Variants in CAMTA1 observed in about 807,000 individuals in gnomAD.
CAMTA1 encodes the protein calmodulin binding transcription activator 1, also known as calmodulin-binding transcription activator 1.
A neutral mutation model predicts 170.9 loss-of-function variants in CAMTA1; 27 were observed. That is an observed-to-expected ratio of 0.16 (90% CI 0.12 to 0.22). CAMTA1 has a LOEUF of 0.22. Ranked by LOEUF, CAMTA1 falls within the 10% of genes least tolerant of loss-of-function variation. CAMTA1 has a pLI of 1.00. For synonymous variants in CAMTA1, 833 were observed against 891.5 expected (o/e 0.93, Z 1.17); for missense variants, 1,619 against 2,217.2 (o/e 0.73, Z 5.42).
intron 6 of CAMTA1, among the ~76,000 whole-genome samples, chr1:7,511,277 G>A (rs867801372): frequency 6.9e-6 from 1 of 145,482 alleles, no homozygotes; most frequent in South Asian, 2.3e-4. Context: ...TTCACATCCT[G>A]GAGGGACACC....
chr1:7,552,053 C>T (rs1384176806), intron 6 of CAMTA1, among the ~76,000 whole-genome samples: 1 of 152,216 alleles, frequency 6.6e-6, no homozygotes, highest in Non-Finnish European at 1.5e-5. Context: ...CAGTGACTTG[C>T]CATAGGTCAC....
chr1:7,248,935 G>A lies in CAMTA1; in HGVS notation c.303-556G>A, dbSNP rs754624310. ...CTTAGCTTGCTTGAGAAGCAAGACC[G>A]CAGATGCTCTTTCATATCTAGCAGT... On this transcript the variant is annotated intron_variant, in intron 4 of 22. Transcript: ENST00000303635. The surrounding 1 kb of genome is among the most constrained non-coding windows in gnomAD (Gnocchi z 4.0). Among the ~76,000 whole-genome samples the A allele has an allele frequency of 8.5e-5, 13 of 152,180 alleles. No individual in the cohort carries two copies. The highest frequency in any genetic ancestry group is 1.9e-4 in the East Asian group (1 of 5,196).
At chr1:6,854,448 G>A (rs1661533607) in intron 3 of CAMTA1, among the ~76,000 whole-genome samples, 1 of 152,144 alleles carries the variant, frequency 6.6e-6, no homozygotes, top group African/African-American at 2.4e-5. Flanking sequence ...GCACAATGAT[G>A]AAATAGCCTA....
chr1:6,913,846 T>A (rs1680211485), intron 3 of CAMTA1, among the ~76,000 whole-genome samples: 1 of 151,964 alleles, frequency 6.6e-6, no homozygotes, highest in Non-Finnish European at 1.5e-5. Context: ...TGGAAGGGAC[T>A]GCATGAGTAC....
At chr1:7,647,443 G>A (rs933429923) in intron 7 of CAMTA1, among the ~76,000 whole-genome samples, 4 of 152,166 alleles carry the variant, frequency 2.6e-5, no homozygotes, top group Non-Finnish European at 4.4e-5. Flanking sequence ...GGCCCCGCTC[G>A]GAGATGGGAG....
chr1:7,278,200 A>G (rs1321181578), intron 5 of CAMTA1, among the ~76,000 whole-genome samples: 1 of 152,234 alleles, frequency 6.6e-6, no homozygotes, highest in Admixed American at 6.5e-5. Flanking sequence ...AGTCCTGCTG[A>G]TTAACAAACA....
intron 5 of CAMTA1, among the ~76,000 whole-genome samples, chr1:7,376,404 T>C (rs571016824): frequency 7.9e-5 from 12 of 152,306 alleles, no homozygotes; most frequent in African/African-American, 2.9e-4. Flanking sequence ...GCGAGGAGAC[T>C]GTACCTGCCA....
At chr1:6,840,672 T>C (rs1428999718) in intron 3 of CAMTA1, among the ~76,000 whole-genome samples, 4 of 152,024 alleles carry the variant, frequency 2.6e-5, no homozygotes, top group African/African-American at 9.7e-5. Flanking sequence ...TGGAGAGCCG[T>C]CAATGCGCAG....
intron 4 of CAMTA1, among the ~76,000 whole-genome samples, chr1:7,138,454 T>C (rs72641220): frequency 0.041 from 6,301 of 152,328 alleles, 173 homozygotes; most frequent in South Asian, 0.096. Context: ...ATATGCATTT[T>C]TATGGATAAT....
chr1:7,627,091 C>G (rs995590204), intron 6 of CAMTA1, among the ~76,000 whole-genome samples: 1 of 152,130 alleles, frequency 6.6e-6, no homozygotes, highest in African/African-American at 2.4e-5. Flanking sequence ...GATGGGGTGT[C>G]TGTCTCTTTA....
intron 5 of CAMTA1, among the ~76,000 whole-genome samples, chr1:7,425,464 T>C (rs1575248975): frequency 6.6e-6 from 1 of 152,056 alleles, no homozygotes; most frequent in Non-Finnish European, 1.5e-5. Flanking sequence ...AGGACAGTCC[T>C]CTAGGAGTTT....
In CAMTA1 at chr1:6,923,891, A is replaced by G. The variant is rs554198536; in HGVS notation, c.234+98681A>G. 2.8e-3 allele frequency among the ~76,000 whole-genome samples: 420 copies of G among 152,310 alleles called. 7 individuals are homozygous for G. Among genetic ancestry groups the G allele is most frequent in the Middle Eastern group, 6.8e-3 (2 of 294 alleles). ...CCAATTTGGTGGATAATTGTTTTCT[A>G]TCACAGCTCTTGGCAAAAGGAAGGG... On this transcript the variant is annotated intron_variant, in intron 3 of 22. Transcript: ENST00000303635.
intron 3 of CAMTA1, among the ~76,000 whole-genome samples, chr1:6,956,839 C>G (rs1167582643): frequency 1.3e-5 from 2 of 152,248 alleles, no homozygotes; most frequent in Admixed American, 6.5e-5. Context: ...GGGATGCTTT[C>G]TGCCTTGAGG....
chr1:7,739,300 G>A (rs1414790692), intron 16 of CAMTA1, among the ~76,000 whole-genome samples: 1 of 152,200 alleles, frequency 6.6e-6, no homozygotes. Context: ...GAGATCATAT[G>A]TCCTGGTCAG....
chr1:7,695,848 T>C (rs1424624313), intron 11 of CAMTA1, among the ~76,000 whole-genome samples: 2 of 152,218 alleles, frequency 1.3e-5, no homozygotes, highest in Non-Finnish European at 2.9e-5. Flanking sequence ...GAACTAAATA[T>C]GTCAGCTCTG....
chr1:7,480,740 C>T (rs899039360), intron 6 of CAMTA1, among the ~76,000 whole-genome samples: 2 of 152,120 alleles, frequency 1.3e-5, no homozygotes, highest in Non-Finnish European at 2.9e-5. Flanking sequence ...GCTGCTGAGG[C>T]CTTCTCTTCT....
intron 20 of CAMTA1, 95 bp from the exon 21 acceptor site, chr1:7,752,352 TTGCTACACGAAC>T (rs2096903292): frequency 2.2e-6 from 2 of 911,626 alleles, no homozygotes; most frequent in Non-Finnish European, 3.6e-6. Context: ...GCTGTTGGCT[TTGCTACACGAAC>T]TGCTTAATTC....
intron 5 of CAMTA1, among the ~76,000 whole-genome samples, chr1:7,420,895 C>T (rs1395597626): frequency 6.6e-6 from 1 of 152,186 alleles, no homozygotes; most frequent in Non-Finnish European, 1.5e-5. Flanking sequence ...GGACTTGAGC[C>T]TGAAGCACCC....
intron 5 of CAMTA1, among the ~76,000 whole-genome samples, chr1:7,431,834 A>T (rs2092172879): frequency 1.3e-5 from 2 of 152,136 alleles, no homozygotes; most frequent in Admixed American, 6.5e-5. Context: ...AAGCCCCTGG[A>T]GACCACCCTT....
Sources: gnomAD v4.1 joint callset for allele counts (sites outside exome capture counted in the v4.1 genomes callset) on GRCh38, gnomAD v4.1.1 for gene constraint, Gnocchi (gnomAD v3.1) non-coding constraint, MANE v1.5 for transcripts, NCBI Gene and HGNC (gene_info 2026-07-23, HGNC 2026-07-21) for gene names.